Variants in TMEM38A observed in about 807,000 individuals in gnomAD.
TMEM38A encodes trimeric intracellular cation channel type A.
A neutral mutation model predicts 28.6 loss-of-function variants in TMEM38A; 17 were observed. The ratio of observed to expected loss-of-function variants is 0.60; its 90% CI spans 0.41 to 0.89. The LOEUF (loss-of-function observed/expected upper bound fraction) is 0.89, where lower values mean the gene tolerates loss of function less well. TMEM38A is among the 40% of genes least tolerant of loss of function. The pLI is 0.00. For synonymous variants in TMEM38A, 169 were observed against 166.1 expected (o/e 1.02, Z -0.14); for missense variants, 328 against 393.1 (o/e 0.83, Z 1.40).
chr19:16,677,599 T>C (rs980433354), intron 1 of TMEM38A, among the ~76,000 whole-genome samples: 4 of 151,036 alleles, frequency 2.6e-5, no homozygotes, highest in African/African-American at 9.8e-5. Flanking sequence ...AACAGGGTCT[T>C]GCTCTGGAGT....
chr19:16,683,426 T>TAA (rs576788150), intron 4 of TMEM38A, among the ~76,000 whole-genome samples: 1 of 144,768 alleles, frequency 6.9e-6, no homozygotes, highest in Admixed American at 7.0e-5. Flanking sequence ...TATTCTATAT[T>TAA]AAAAAAAAAA....
At position 16,661,504 on chromosome 19, in the gene TMEM38A, C is replaced by G. The variant is rs2086677759; in HGVS notation, c.124+163C>G. ...GCAGGCGCTAGAATCGTGGGGTTCT[C>G]TCACGCCGGGGTGAGCCCGGGGGAG... On this transcript the variant is annotated intron_variant, in intron 1 of 5. Coordinates refer to ENST00000187762, the MANE Select transcript of TMEM38A (RefSeq NM_024074.4). The surrounding 1 kb of genome is among the most constrained non-coding windows in gnomAD (Gnocchi z 6.5). Among the ~76,000 whole-genome samples the G allele has an allele frequency of 1.3e-5, 2 of 152,054 alleles. No individual in the cohort carries two copies. Among genetic ancestry groups the G allele is most frequent in the South Asian group, 4.2e-4 (2 of 4,814 alleles).
intron 5 of TMEM38A, among the ~76,000 whole-genome samples, chr19:16,686,976 A>G (rs541214547): frequency 5.1e-4 from 78 of 152,274 alleles, no homozygotes; most frequent in South Asian, 5.0e-3. Context: ...CCCAGGCCAA[A>G]TGTCTTAGTC....
At chr19:16,667,861 GAAA>G (rs112685452) in intron 1 of TMEM38A, among the ~76,000 whole-genome samples, 18 of 127,444 alleles carry the variant, frequency 1.4e-4, no homozygotes, top group South Asian at 2.5e-4. Flanking sequence ...CTCCGTCTCA[GAAA>G]AAAAAAAAAA....
Position 16,673,238 on chromosome 19 carries a change from T to A in TMEM38A, c.125-6746T>A, listed in dbSNP as rs1296819976. Reference sequence around the variant, plus strand: ...CTGGGATTACAGGCACCTGCCACCATGCCTGGCTAATTTTTGTATTTTTAG... The same window carrying A: ...CTGGGATTACAGGCACCTGCCACCAAGCCTGGCTAATTTTTGTATTTTTAG... On this transcript the variant is annotated intron_variant, in intron 1 of 5. Transcript: ENST00000187762. Among the ~76,000 whole-genome samples, 8 of 152,054 alleles carry A rather than the reference T, an allele frequency of 5.3e-5. No individual in the cohort carries two copies. The East Asian group carries it at 1.5e-3, about 29-fold the overall frequency.
chr19:16,666,469 C>T (rs1218965627), intron 1 of TMEM38A, among the ~76,000 whole-genome samples: 1 of 151,354 alleles, frequency 6.6e-6, no homozygotes, highest in Non-Finnish European at 1.5e-5. Context: ...TGCTCTGTCT[C>T]CCAGGCTGGA....
intron 1 of TMEM38A, among the ~76,000 whole-genome samples, chr19:16,667,671 A>T (rs1163843855): frequency 6.6e-6 from 1 of 151,780 alleles, no homozygotes; most frequent in Non-Finnish European, 1.5e-5. Flanking sequence ...CCCGGCCAAC[A>T]TGGTGAAAGC....
At chr19:16,670,248 A>G (rs1233812450) in intron 1 of TMEM38A, among the ~76,000 whole-genome samples, 1 of 144,214 alleles carries the variant, frequency 6.9e-6, no homozygotes, top group Non-Finnish European at 1.5e-5. Flanking sequence ...GATTACAGGC[A>G]TCAGCCACTG....
intron 5 of TMEM38A, 131 bp from the exon 6 acceptor site, chr19:16,688,013 C>A: frequency 1.6e-6 from 1 of 614,202 alleles, no homozygotes; most frequent in Non-Finnish European, 2.6e-6. Context: ...AGGGCTGGGT[C>A]TGGGCTACCT....
chr19:16,673,012 G>A (rs945444580), intron 1 of TMEM38A, among the ~76,000 whole-genome samples: 1 of 152,130 alleles, frequency 6.6e-6, no homozygotes, highest in South Asian at 2.1e-4. Flanking sequence ...GATCCCAAAT[G>A]TCAACAGAGC....
intron 1 of TMEM38A, among the ~76,000 whole-genome samples, chr19:16,667,927 G>T (rs2086710305): frequency 6.6e-6 from 1 of 151,022 alleles, no homozygotes; most frequent in Admixed American, 6.6e-5. Flanking sequence ...CAGAATTGTG[G>T]GTCAGGCATG....
intron 1 of TMEM38A, among the ~76,000 whole-genome samples, chr19:16,663,535 T>TC (rs2086691057): frequency 1.4e-5 from 2 of 144,348 alleles, no homozygotes; most frequent in Non-Finnish European, 3.1e-5. Context: ...TTTTCTTTTC[T>TC]TTTTTTTTTT....
chr19:16,680,577 C>T lies in TMEM38A; in HGVS notation c.462C>T (p.Val154=). The T allele has an allele frequency of 6.2e-7, 1 of 1,613,430 alleles. No homozygotes were observed. The highest frequency in any genetic ancestry group is 1.7e-5 in the Admixed American group (1 of 59,996). ...GWFVMIATGW[V]KGSGVALMSN... is the part of the protein sequence containing the mutation. ...TCGTCATGATTGCAACTGGGTGGGT[C>T]AAAGGTAAATAGGATGATGACAATG... The change falls in exon 3 of 6, where the codon GTC becomes GTT. Residue 154 remains valine (V), a synonymous_variant. Coordinates refer to ENST00000187762, the MANE Select transcript of TMEM38A (RefSeq NM_024074.4).
At chr19:16,663,897 C>T (rs1166469230) in intron 1 of TMEM38A, among the ~76,000 whole-genome samples, 2 of 151,934 alleles carry the variant, frequency 1.3e-5, no homozygotes, top group African/African-American at 2.4e-5. Context: ...ATATTAATCT[C>T]CCCTCCCTCA....
chr19:16,675,076 C>A (rs950431702), intron 1 of TMEM38A, among the ~76,000 whole-genome samples: 7 of 152,150 alleles, frequency 4.6e-5, no homozygotes, highest in African/African-American at 1.7e-4. Context: ...TGATAAACAA[C>A]AAATTTATTT....
chr19:16,672,348 TG>T (rs1322099926), intron 1 of TMEM38A, among the ~76,000 whole-genome samples: 1 of 151,892 alleles, frequency 6.6e-6, no homozygotes, highest in Non-Finnish European at 1.5e-5. Flanking sequence ...TTGGCTTCCC[TG>T]GGCCATGTTT....
At chr19:16,663,205 T>TGGGAGGCGGAGGTTGCA (rs1280621462) in intron 1 of TMEM38A, among the ~76,000 whole-genome samples, 1 of 150,922 alleles carries the variant, frequency 6.6e-6, no homozygotes, top group African/African-American at 2.4e-5. Context: ...CACTTGAACC[T>TGGGAGGCGGAGGTTGCA]GGGAGGCGGA....
At position 16,680,027 on chromosome 19, in the gene TMEM38A, G is replaced by A; in HGVS notation, c.168G>A (p.Leu56=). 2 of 1,610,706 alleles carry A rather than the reference G, an allele frequency of 1.2e-6. No homozygotes were observed. The highest frequency in any genetic ancestry group is 1.7e-6 in the Non-Finnish European group (2 of 1,180,012). The change falls in exon 2 of 6, where the codon CTG becomes CTA. Residue 56 remains leucine, a synonymous_variant. Transcript: ENST00000187762. ...LSRRHPIASW[L]CAMLHCFGSY... The stretch of plus-strand genomic sequence containing the variant: ...GGCGCCACCCCATCGCGTCCTGGCT[G>A]TGCGCCATGCTGCATTGCTTCGGGA...
chr19:16,671,402 C>T (rs1446563444), intron 1 of TMEM38A, among the ~76,000 whole-genome samples: 2 of 151,932 alleles, frequency 1.3e-5, no homozygotes, highest in South Asian at 2.1e-4. Flanking sequence ...GGGGTTTCAC[C>T]ATGTTGGCCA....
Sources: allele counts gnomAD v4.1 joint callset (sites outside exome capture counted in the v4.1 genomes callset), GRCh38; gene constraint gnomAD v4.1.1; non-coding constraint Gnocchi (gnomAD v3.1); transcripts MANE v1.5; gene names NCBI Gene and HGNC (gene_info 2026-07-23, HGNC 2026-07-21).